The following FUT9 variants were observed in gnomAD, a reference collection of about 807,000 sequenced individuals.
FUT9 encodes the protein fucosyltransferase 9, also known as 4-galactosyl-N-acetylglucosaminide 3-alpha-L-fucosyltransferase 9.
Under a neutral mutation model 29.7 loss-of-function variants are expected in FUT9, and 15 were observed. That is an observed-to-expected ratio of 0.51 (90% confidence interval 0.34 to 0.78). FUT9 has a LOEUF of 0.78. FUT9 is among the 30% of genes least tolerant of loss of function. The pLI is 0.01. For synonymous variants in FUT9, 169 were observed against 153.7 expected (o/e 1.10, Z -0.74); for missense variants, 319 against 425.4 (o/e 0.75, Z 2.20).
intron 1 of FUT9, among the ~76,000 whole-genome samples, chr6:96,044,752 C>T (rs1336957600): frequency 1.3e-5 from 2 of 151,930 alleles, no homozygotes; most frequent in African/African-American, 4.8e-5. Flanking sequence ...TTTTAATTCC[C>T]TAATTATCAT....
intron 2 of FUT9, among the ~76,000 whole-genome samples, chr6:96,190,926 C>G (rs1482132383): frequency 6.6e-6 from 1 of 152,184 alleles, no homozygotes; most frequent in Non-Finnish European, 1.5e-5. Context: ...CATTCTTTGT[C>G]CAGCTTTGTT....
In FUT9 at chr6:96,188,884, G is replaced by C. The variant is rs1262780880; in HGVS notation, c.-8-14264G>C. ...TACGTTGAGAGCAAGAATATGACAAGTATGATTTAGGCACTAGGGACTGGA... is the reference window on the plus strand; with the variant it reads ...TACGTTGAGAGCAAGAATATGACAACTATGATTTAGGCACTAGGGACTGGA... On this transcript the variant is annotated intron_variant, in intron 2 of 2. Transcript: ENST00000302103. Among the ~76,000 whole-genome samples, 2 of 152,070 alleles carry C rather than the reference G, an allele frequency of 1.3e-5. 1 individual carries two copies. Among genetic ancestry groups the C allele is most frequent in the South Asian group, 4.1e-4 (2 of 4,824 alleles).
chr6:96,025,905 A>C (rs1416988338), intron 1 of FUT9, among the ~76,000 whole-genome samples: 1 of 151,720 alleles, frequency 6.6e-6, no homozygotes, highest in Non-Finnish European at 1.5e-5. Context: ...TTTTCACAGC[A>C]ATAGCAGTAG....
intron 2 of FUT9, among the ~76,000 whole-genome samples, chr6:96,169,183 A>G (rs1008102509): frequency 1.3e-5 from 2 of 152,240 alleles, no homozygotes; most frequent in Non-Finnish European, 2.9e-5. Flanking sequence ...TAATCTGCTG[A>G]TGGGCAATTT....
In FUT9 at chr6:96,203,570, C is replaced by T; in HGVS notation, c.415C>T (p.Pro139Ser). ...ATGGATTTGGATGAATTTGGAATCA[C>T]CAACTCACACTCCCCAAAAGAGTGG... ...QKWIWMNLES[P>S]THTPQKSGIE... Residue 139 changes from proline to serine, a missense_variant, in exon 3 of 3, where the codon CCA (proline) becomes TCA (serine). Transcript: ENST00000302103. 1 of 1,613,852 alleles carries T rather than the reference C, an allele frequency of 6.2e-7. No homozygotes were observed. Among genetic ancestry groups the T allele is most frequent in the Non-Finnish European group, 8.5e-7 (1 of 1,179,928 alleles).
Position 96,169,235 on chromosome 6 carries a change from G to A in FUT9, c.-8-33913G>A, listed in dbSNP as rs531541777. On this transcript the variant is annotated intron_variant, in intron 2 of 2. Transcript: ENST00000302103. Reference sequence around the variant, plus strand: ...ATTCTGATGAATATGAAGCAAATACGCTGATATTAATTCTAACTTCAAAGT... The same window carrying A: ...ATTCTGATGAATATGAAGCAAATACACTGATATTAATTCTAACTTCAAAGT... Among the ~76,000 whole-genome samples, 3 of 152,234 alleles carry A rather than the reference G, an allele frequency of 2.0e-5. No individual in the cohort carries two copies. The East Asian group carries it at 5.8e-4, about 29-fold the overall frequency.
At chr6:96,069,282 C>A (rs1380777213) in intron 1 of FUT9, among the ~76,000 whole-genome samples, 1 of 150,938 alleles carries the variant, frequency 6.6e-6, no homozygotes, top group Non-Finnish European at 1.5e-5. Flanking sequence ...GATCGCGCCA[C>A]TGAACTCCAG....
At chr6:96,041,499 C>T (rs1003821499) in intron 1 of FUT9, among the ~76,000 whole-genome samples, 2 of 152,072 alleles carry the variant, frequency 1.3e-5, no homozygotes, top group Admixed American at 6.5e-5. Context: ...TCCAACATCC[C>T]ATTTCTATGC....
intron 2 of FUT9, among the ~76,000 whole-genome samples, chr6:96,129,077 GA>G (rs1232102233): frequency 6.9e-6 from 1 of 144,948 alleles, no homozygotes; most frequent in Non-Finnish European, 1.5e-5. Context: ...CTAACACGGT[GA>G]AACCCTGTCT....
intron 1 of FUT9, among the ~76,000 whole-genome samples, chr6:96,031,528 C>A (rs929762069): frequency 6.6e-6 from 1 of 151,422 alleles, no homozygotes; most frequent in Non-Finnish European, 1.5e-5. Flanking sequence ...GATCACGGCC[C>A]AGTGTAGCAA....
intron 2 of FUT9, among the ~76,000 whole-genome samples, chr6:96,155,686 GAAAGAAAGAAAAAGA>G (rs1208870035): frequency 4.4e-5 from 6 of 135,568 alleles, no homozygotes; most frequent in African/African-American, 1.6e-4. Flanking sequence ...AAAAAAAAAG[GAAAGAAAGAAAAAGA>G]AAAGAAAGAA....
Position 96,214,417 on chromosome 6 carries a change from G to A in FUT9, c.*10182G>A, listed in dbSNP as rs1773997807. The A allele has an allele frequency of 6.0e-6, 1 of 166,932 alleles. No homozygotes were observed. Among genetic ancestry groups the A allele is most frequent in the African/African-American group, 2.4e-5 (1 of 41,424 alleles). 10.3% of individuals were successfully genotyped at this position (166,932 alleles called of 1,614,324 possible). A position where few individuals can be genotyped will look rare whatever the true frequency, so the allele number is the denominator to read the frequency against. On this transcript the variant is annotated 3_prime_UTR_variant, in exon 3 of 3. Coordinates refer to ENST00000302103, the MANE Select transcript of FUT9 (RefSeq NM_006581.4). ...TAGGCAGTCTTGACAGTCAACCAGTGTAATCACTAGGGGAAGAAAAAGTAG... is the reference window on the plus strand; with the variant it reads ...TAGGCAGTCTTGACAGTCAACCAGTATAATCACTAGGGGAAGAAAAAGTAG...
intron 1 of FUT9, among the ~76,000 whole-genome samples, chr6:96,030,804 T>C (rs12211938): frequency 0.083 from 12,576 of 151,428 alleles, 694 homozygotes; most frequent in Non-Finnish European, 0.13. Context: ...ATAAAAAGGA[T>C]TGAACTACTG....
At chr6:96,054,779 G>A (rs1364569768) in intron 1 of FUT9, among the ~76,000 whole-genome samples, 1 of 152,066 alleles carries the variant, frequency 6.6e-6, no homozygotes, top group Non-Finnish European at 1.5e-5. Context: ...TCATATGTCT[G>A]AAAGAGCGAG....
chr6:96,072,987 G>T (rs1005338863), intron 1 of FUT9, among the ~76,000 whole-genome samples: 3 of 152,124 alleles, frequency 2.0e-5, no homozygotes, highest in Admixed American at 6.5e-5. Flanking sequence ...CTACCTTTAG[G>T]AGTCTTTCCA....
At chr6:96,149,979 C>A (rs747974317) in intron 2 of FUT9, among the ~76,000 whole-genome samples, 1 of 152,088 alleles carries the variant, frequency 6.6e-6, no homozygotes, top group Non-Finnish European at 1.5e-5. Context: ...ATTAACCCTC[C>A]CCTCTTTACC....
intron 1 of FUT9, among the ~76,000 whole-genome samples, chr6:96,087,663 C>A (rs538630505): frequency 1.2e-4 from 18 of 152,086 alleles, no homozygotes; most frequent in South Asian, 2.1e-4. Flanking sequence ...CCACGTCCGG[C>A]CTTCCCCACA....
At chr6:96,195,111 A>C (rs965064639) in intron 2 of FUT9, among the ~76,000 whole-genome samples, 1 of 152,212 alleles carries the variant, frequency 6.6e-6, no homozygotes, top group Non-Finnish European at 1.5e-5. Context: ...CCCAAAATAA[A>C]GAAATTTGCA....
chr6:96,142,554 G>A (rs1582263520), intron 2 of FUT9, among the ~76,000 whole-genome samples: 1 of 152,140 alleles, frequency 6.6e-6, no homozygotes, highest in Admixed American at 6.6e-5. Context: ...AACTAAGATA[G>A]CACAACTAAG....
Sources: gnomAD v4.1 joint callset for allele counts (sites outside exome capture counted in the v4.1 genomes callset) on GRCh38, gnomAD v4.1.1 for gene constraint, MANE v1.5 for transcripts, NCBI Gene and HGNC (gene_info 2026-07-23, HGNC 2026-07-21) for gene names.